The following PPP2R3A variants were observed in gnomAD, a reference collection of about 807,000 sequenced individuals.
PPP2R3A encodes the protein serine/threonine-protein phosphatase 2A regulatory subunit B'' subunit alpha.
Under a neutral mutation model 106.9 loss-of-function variants are expected in PPP2R3A, and 80 were observed. The ratio of observed to expected loss-of-function variants is 0.75; its 90% CI spans 0.62 to 0.90. The LOEUF (loss-of-function observed/expected upper bound fraction) is 0.90. Among genes scored for constraint, PPP2R3A ranks in the 40% least tolerant of loss-of-function variants. PPP2R3A has a pLI of 0.00. For synonymous variants in PPP2R3A, 483 were observed against 468.3 expected (o/e 1.03, Z -0.41); for missense variants, 1,386 against 1,350.4 (o/e 1.03, Z -0.41).
chr3:136,059,191 T>A (rs1484019086), intron 5 of PPP2R3A, among the ~76,000 whole-genome samples: 1 of 151,618 alleles, frequency 6.6e-6, no homozygotes, highest in Non-Finnish European at 1.5e-5. Context: ...ATCAACAGAC[T>A]AAACAGACAG....
At chr3:136,093,386 G>A (rs189879964) in intron 10 of PPP2R3A, among the ~76,000 whole-genome samples, 2 of 152,110 alleles carry the variant, frequency 1.3e-5, no homozygotes, top group Non-Finnish European at 2.9e-5. Flanking sequence ...TCCAACCTGG[G>A]TGACAGAGTA....
chr3:136,034,039 CTTTT>C (rs71157353), intron 3 of PPP2R3A, among the ~76,000 whole-genome samples: 2 of 131,390 alleles, frequency 1.5e-5, no homozygotes, highest in Admixed American at 7.7e-5. Flanking sequence ...TTTTCTTTTT[CTTTT>C]TTTTTTTTTT....
At chr3:136,009,094 C>T (rs933137557) in intron 2 of PPP2R3A, among the ~76,000 whole-genome samples, 5 of 152,096 alleles carry the variant, frequency 3.3e-5, no homozygotes, top group Non-Finnish European at 4.4e-5. Flanking sequence ...GATGATTTAC[C>T]GGCAAAGTTT....
In PPP2R3A at chr3:136,029,494, G is replaced by A. The variant is rs56748703; in HGVS notation, c.2262+2396G>A. Among the ~76,000 whole-genome samples, 226 of 152,278 alleles carry A rather than the reference G, an allele frequency of 1.5e-3. 8 individuals are homozygous for A. In the East Asian group the frequency reaches 0.041, roughly 28 times the overall value. On this transcript the variant is annotated intron_variant, in intron 3 of 13. Coordinates refer to ENST00000264977, the MANE Select transcript of PPP2R3A (RefSeq NM_002718.5). ...AGACTCCACAGTGCTCAAGGGAGGT[G>A]TCAAAAAGAATATAGTCAAGGCAGG...
intron 4 of PPP2R3A, among the ~76,000 whole-genome samples, chr3:136,042,611 T>C (rs1304629733): frequency 6.6e-6 from 1 of 152,232 alleles, no homozygotes; most frequent in East Asian, 1.9e-4. Flanking sequence ...AGGAAGACAT[T>C]TCTGCAAAAC....
chr3:136,103,205 C>T, intron 11 of PPP2R3A, 53 bp from the exon 12 acceptor site: 14 of 1,256,902 alleles, frequency 1.1e-5, no homozygotes, highest in Non-Finnish European at 1.6e-5. Flanking sequence ...GTTTTTTCCT[C>T]TTGCCAAAAC....
intron 5 of PPP2R3A, chr3:136,055,245 G>T (rs574260463): frequency 1.2e-6 from 1 of 820,432 alleles, no homozygotes; most frequent in Non-Finnish European, 2.1e-6. Flanking sequence ...ATCAAGCTGC[G>T]TAAAAAGAAA....
chr3:136,017,208 T>C (rs1934307926), intron 2 of PPP2R3A, among the ~76,000 whole-genome samples: 2 of 152,220 alleles, frequency 1.3e-5, no homozygotes, highest in South Asian at 4.1e-4. Flanking sequence ...GAGGTTTTTC[T>C]TTAAAAGTTA....
chr3:136,017,677 C>T, intron 2 of PPP2R3A, among the ~76,000 whole-genome samples: 1 of 152,198 alleles, frequency 6.6e-6, no homozygotes, highest in East Asian at 1.9e-4. Context: ...ATCTTCTGAG[C>T]AAAATCCTTT....
chr3:135,967,269 A>G (rs1937116118), intron 1 of PPP2R3A, among the ~76,000 whole-genome samples: 1 of 152,212 alleles, frequency 6.6e-6, no homozygotes, highest in Admixed American at 6.5e-5. Context: ...AAAGGTTTTT[A>G]AAAAACAAAG....
At chr3:136,087,267 C>CTCTCTCTCTCTCTCTCTCTG in intron 8 of PPP2R3A, among the ~76,000 whole-genome samples, 1 of 147,284 alleles carries the variant, frequency 6.8e-6, no homozygotes. Flanking sequence ...CTCTCTCTCT[C>CTCTCTCTCTCTCTCTCTCTG]TCTCTCTCTC....
At chr3:136,109,626 C>T (rs1233373635) in intron 13 of PPP2R3A, among the ~76,000 whole-genome samples, 1 of 152,124 alleles carries the variant, frequency 6.6e-6, no homozygotes, top group African/African-American at 2.4e-5. Context: ...TATTAGGCCA[C>T]AAACAACACT....
intron 2 of PPP2R3A, among the ~76,000 whole-genome samples, chr3:136,006,374 C>T (rs1447884202): frequency 1.3e-5 from 2 of 152,132 alleles, no homozygotes; most frequent in South Asian, 4.1e-4. Flanking sequence ...TGCCTTCCTA[C>T]TTGTCTTTTT....
chr3:136,129,782 C>A (rs866270854), intron 13 of PPP2R3A, among the ~76,000 whole-genome samples: 3 of 152,096 alleles, frequency 2.0e-5, no homozygotes, highest in Non-Finnish European at 2.9e-5. Flanking sequence ...ACTGGCAGGC[C>A]GAACCCAGCA....
At chr3:136,080,661 T>C (rs910898171) in intron 7 of PPP2R3A, among the ~76,000 whole-genome samples, 1 of 152,228 alleles carries the variant, frequency 6.6e-6, no homozygotes, top group African/African-American at 2.4e-5. Context: ...ATCACCCTTA[T>C]ACAACTAGTA....
intron 6 of PPP2R3A, among the ~76,000 whole-genome samples, chr3:136,072,777 A>C (rs1936476762): frequency 1.3e-5 from 2 of 152,258 alleles, no homozygotes; most frequent in Admixed American, 6.5e-5. Context: ...AACTGTTGGC[A>C]TGTATTCTTA....
chr3:136,084,951 A>G (rs752974237), intron 8 of PPP2R3A, among the ~76,000 whole-genome samples: 1 of 152,220 alleles, frequency 6.6e-6, no homozygotes, highest in Non-Finnish European at 1.5e-5. Flanking sequence ...TTACAGGCTC[A>G]TAGGTGGAAG....
At chr3:136,119,578 C>T (rs575204666) in intron 13 of PPP2R3A, among the ~76,000 whole-genome samples, 75 of 152,232 alleles carry the variant, frequency 4.9e-4, no homozygotes, top group Non-Finnish European at 3.2e-4. Context: ...CAAAAGAAGA[C>T]ATTTATGCAG....
chr3:136,064,100 A>G (rs943022985), intron 5 of PPP2R3A, among the ~76,000 whole-genome samples: 2 of 152,032 alleles, frequency 1.3e-5, no homozygotes, highest in African/African-American at 4.8e-5. Flanking sequence ...AAAAATGATG[A>G]GTTCATGTCC....
Sources: allele counts gnomAD v4.1 joint callset (sites outside exome capture counted in the v4.1 genomes callset), GRCh38; gene constraint gnomAD v4.1.1; transcripts MANE v1.5; gene names NCBI Gene and HGNC (gene_info 2026-07-23, HGNC 2026-07-21).